The following KIF23 variants were observed in gnomAD, a reference collection of about 807,000 sequenced individuals.
KIF23 encodes kinesin family member 23, also known as kinesin-like protein KIF23.
Under a neutral mutation model 137.5 loss-of-function variants are expected in KIF23, and 30 were observed. The ratio of observed to expected loss-of-function variants is 0.22; its 90% CI spans 0.16 to 0.30. The LOEUF (loss-of-function observed/expected upper bound fraction) is 0.30, where lower values mean the gene tolerates loss of function less well. Ranked by LOEUF, KIF23 falls within the 10% of genes least tolerant of loss-of-function variation. The pLI is 1.00. For synonymous variants in KIF23, 367 were observed against 391.1 expected (o/e 0.94, Z 0.73); for missense variants, 920 against 1,194.3 (o/e 0.77, Z 3.38).
chr15:69,447,309 G>T (rs2140426256), intron 23 of KIF23, among the ~76,000 whole-genome samples: 1 of 152,244 alleles, frequency 6.6e-6, no homozygotes, highest in Non-Finnish European at 1.5e-5. Flanking sequence ...ATTGTTTCCT[G>T]ACTTGCTTCT....
At chr15:69,426,845 T>C (rs1377861256) in intron 10 of KIF23, among the ~76,000 whole-genome samples, 3 of 152,232 alleles carry the variant, frequency 2.0e-5, no homozygotes, top group Non-Finnish European at 4.4e-5. Flanking sequence ...ATTGAAAATA[T>C]TCGAAAATAA....
chr15:69,429,698 A>G (rs2057305884), intron 11 of KIF23, among the ~76,000 whole-genome samples: 1 of 152,154 alleles, frequency 6.6e-6, no homozygotes, highest in Admixed American at 6.6e-5. Flanking sequence ...CTATTACAAT[A>G]CACTGATTTC....
At position 69,438,244 on chromosome 15, in the gene KIF23, T is replaced by A; in HGVS notation, c.1598-4T>A. 1 of 1,593,494 alleles carries A rather than the reference T, an allele frequency of 6.3e-7. No homozygotes were observed. The highest frequency in any genetic ancestry group is 8.5e-7 in the Non-Finnish European group (1 of 1,174,146). On this transcript the variant is annotated splice_region_variant and splice_polypyrimidine_tract_variant and intron_variant, in intron 15 of 23. Coordinates refer to ENST00000679126, the MANE Select transcript of KIF23 (RefSeq NM_001367805.3). Reference sequence around the variant, plus strand: ...AAAACTTGACCTGTATGTTTTTGTTTCAGCTAATGCTTTTAAAGCTTTGTT... The same window carrying A: ...AAAACTTGACCTGTATGTTTTTGTTACAGCTAATGCTTTTAAAGCTTTGTT...
At chr15:69,441,120 T>A (rs754833755) in intron 19 of KIF23, 41 bp downstream of exon 19, 1 of 1,504,968 alleles carries the variant, frequency 6.6e-7, no homozygotes. Flanking sequence ...AGCAATAGAT[T>A]TTATCTTCTT....
intron 7 of KIF23, among the ~76,000 whole-genome samples, chr15:69,424,890 C>A (rs1052074625): frequency 2.0e-5 from 3 of 152,154 alleles, no homozygotes; most frequent in Non-Finnish European, 4.4e-5. Flanking sequence ...CTTGAGTATA[C>A]CCATTTTCAT....
At chr15:69,441,315 T>G (rs569668568) in intron 19 of KIF23, among the ~76,000 whole-genome samples, 2 of 152,312 alleles carry the variant, frequency 1.3e-5, no homozygotes, top group African/African-American at 4.8e-5. Flanking sequence ...GTCAGTTTGG[T>G]GCATCCCAGA....
chr15:69,417,623 T>TA, intron 3 of KIF23, 112 bp downstream of exon 3: 1 of 1,172,880 alleles, frequency 8.5e-7, no homozygotes, highest in East Asian at 2.4e-5. Context: ...TCAAAAGACT[T>TA]ATTTACTTCA....
Position 69,417,526 on chromosome 15 carries a change from G to A in KIF23, c.210+15G>A. 6.2e-7 allele frequency: 1 copy of A among 1,604,716 alleles called. No individual in the cohort carries two copies. Among genetic ancestry groups the A allele is most frequent in the African/African-American group, 1.3e-5 (1 of 74,608 alleles). ...ACTATAAGGAGGTAATTCTGATTTG[G>A]ACCAAGTTGTTTTTACTCAATATGT... On this transcript the variant is annotated intron_variant, in intron 3 of 23. Coordinates refer to ENST00000679126, the MANE Select transcript of KIF23 (RefSeq NM_001367805.3).
At chr15:69,437,451 A>G (rs1198582375) in intron 15 of KIF23, among the ~76,000 whole-genome samples, 2 of 147,016 alleles carry the variant, frequency 1.4e-5, no homozygotes, top group African/African-American at 5.0e-5. Context: ...GAATGAATGT[A>G]TCTACTTTTT....
At chr15:69,441,430 A>G (rs781666802) in intron 19 of KIF23, among the ~76,000 whole-genome samples, 1 of 152,150 alleles carries the variant, frequency 6.6e-6, no homozygotes, top group Non-Finnish European at 1.5e-5. Context: ...CCCCTTCCCC[A>G]AATTAGATTT....
chr15:69,429,137 G>C lies in KIF23; in HGVS notation c.1038G>C (p.Gln346His). 6.2e-7 allele frequency: 1 copy of C among 1,613,064 alleles called. No homozygotes were observed. Residue 346 changes from glutamine (Q) to histidine (H), a missense_variant, in exon 11 of 24, where the codon CAG becomes CAC. Physicochemically the swap from Gln to His is conservative, Grantham distance 24. Coordinates refer to ENST00000679126, the MANE Select transcript of KIF23 (RefSeq NM_001367805.3). ...AAAAAGAACAAATCACTATAAGTCA[G>C]TTGTCCTTGGTAGATCTTGCTGGAA... ...LQEKEQITIS[Q>H]LSLVDLAGSE... is the part of the protein sequence containing the mutation.
chr15:69,447,851 T>C lies in KIF23; in HGVS notation c.*44T>C. The C allele has an allele frequency of 6.3e-7, 1 of 1,594,024 alleles. No individual in the cohort carries two copies. Among genetic ancestry groups the C allele is most frequent in the Non-Finnish European group, 8.6e-7 (1 of 1,164,842 alleles). ...GAAAGAACATTTTCATTTGTGTGGA[T>C]GATTTCTCGAAAGCCATGCCAGAAG... On this transcript the variant is annotated 3_prime_UTR_variant, in exon 24 of 24. Coordinates refer to ENST00000679126, the MANE Select transcript of KIF23 (RefSeq NM_001367805.3).
intron 22 of KIF23, chr15:69,446,603 C>T (rs2057745034): frequency 8.1e-6 from 5 of 615,056 alleles, no homozygotes; most frequent in Non-Finnish European, 8.7e-6. Flanking sequence ...GGTCAGGAGG[C>T]TAAGCTATGG....
At chr15:69,438,759 C>T (rs2057542234) in intron 16 of KIF23, among the ~76,000 whole-genome samples, 2 of 151,892 alleles carry the variant, frequency 1.3e-5, no homozygotes, top group South Asian at 2.1e-4. Context: ...CGAGATTGAG[C>T]CACTGCACTC....
In KIF23 at chr15:69,436,274, G is replaced by A. The variant is rs1882283953; in HGVS notation, c.1438+13G>A. 1.2e-6 allele frequency: 2 copies of A among 1,608,532 alleles called. No homozygotes were observed. The highest frequency in any genetic ancestry group is 1.1e-5 in the South Asian group (1 of 89,524). On this transcript the variant is annotated intron_variant, in intron 14 of 23. Transcript: ENST00000679126. Reference sequence around the variant, plus strand: ...CCAGTTGGAAATGGTATGATTTGGTGTTGTATCATTTGTCCACTCATTGGT... The same window carrying A: ...CCAGTTGGAAATGGTATGATTTGGTATTGTATCATTTGTCCACTCATTGGT...
intron 6 of KIF23, 33 bp downstream of exon 6, chr15:69,422,468 T>G: frequency 3.3e-6 from 4 of 1,195,474 alleles, no homozygotes; most frequent in Non-Finnish European, 5.0e-6. Flanking sequence ...AGCACTGGCC[T>G]AGGGGCACAG....
rs140480260 is a variant in KIF23 at position 69,437,841 on chromosome 15, A to G, written c.1598-407A>G. Among the ~76,000 whole-genome samples, 33 of 152,310 alleles carry G rather than the reference A, an allele frequency of 2.2e-4. No homozygotes were observed. The East Asian group carries it at 6.0e-3, about 28-fold the overall frequency. The stretch of plus-strand genomic sequence containing the variant: ...GTGGTATTTAAATTTCCATACTGAA[A>G]TGAAATTTGCCCAGAAATATTAATT... On this transcript the variant is annotated intron_variant, in intron 15 of 23. Coordinates refer to ENST00000679126, the MANE Select transcript of KIF23 (RefSeq NM_001367805.3).
chr15:69,439,245 G>C (rs1036153400), intron 16 of KIF23, among the ~76,000 whole-genome samples: 4 of 151,992 alleles, frequency 2.6e-5, no homozygotes, highest in Non-Finnish European at 5.9e-5. Flanking sequence ...CCAAACAAGG[G>C]AGCTTTCTAG....
chr15:69,434,898 A>G, intron 11 of KIF23: 2 of 715,214 alleles, frequency 2.8e-6, no homozygotes, highest in Admixed American at 2.3e-5. Flanking sequence ...GCCCATCACC[A>G]TGCCCAGCTC....
Sources: gnomAD v4.1 joint callset for allele counts (sites outside exome capture counted in the v4.1 genomes callset) on GRCh38, gnomAD v4.1.1 for gene constraint, MANE v1.5 for transcripts, NCBI Gene and HGNC (gene_info 2026-07-23, HGNC 2026-07-21) for gene names.